The following DGLUCY variants were observed in gnomAD, a reference collection of about 807,000 sequenced individuals.
DGLUCY encodes D-glutamate cyclase, mitochondrial.
DGLUCY carries 58 observed loss-of-function variants against 58.5 expected under a neutral mutation model. That is an observed-to-expected ratio of 0.99 (90% confidence interval 0.80 to 1.23). The LOEUF (loss-of-function observed/expected upper bound fraction) is 1.23. Among genes scored for constraint, DGLUCY ranks in the 50% most tolerant of loss-of-function variants. DGLUCY has a pLI of 0.00. For synonymous variants in DGLUCY, 325 were observed against 314.1 expected (o/e 1.03, Z -0.37); for missense variants, 779 against 784.7 (o/e 0.99, Z 0.09).
intron 1 of DGLUCY, among the ~76,000 whole-genome samples, chr14:91,061,682 A>G (rs1016395338): frequency 4.6e-5 from 7 of 152,248 alleles, no homozygotes; most frequent in African/African-American, 1.7e-4. Context: ...GCATTGGCCT[A>G]CAGCAGAGAA....
rs193153612 is a variant in DGLUCY at position 91,066,235 on chromosome 14, G to A, written c.-82+5531G>A. Among the ~76,000 whole-genome samples, 33 of 151,952 alleles carry A rather than the reference G, an allele frequency of 2.2e-4. 1 individual carries two copies. In the Middle Eastern group the frequency reaches 0.014, roughly 63 times the overall value. ...TCTACTAAAAATAGAAAAATTAGCC[G>A]GGCCTGGTGGCACATGCCTGTAATC... On this transcript the variant is annotated intron_variant, in intron 1 of 4. Coordinates refer to the DGLUCY transcript ENST00000521334.
chr14:91,173,674 G>C, intron 6 of DGLUCY: 1 of 492,088 alleles, frequency 2.0e-6, no homozygotes, highest in Non-Finnish European at 3.5e-6. Context: ...GGGTCTCCAG[G>C]GGCAAAGGCC....
intron 1 of DGLUCY, among the ~76,000 whole-genome samples, chr14:91,094,425 A>G (rs1201938235): frequency 6.7e-6 from 1 of 148,992 alleles, no homozygotes; most frequent in Non-Finnish European, 1.5e-5. Context: ...ACCGAGCGAG[A>G]CTCTGTCCCC....
chr14:91,077,596 A>AG (rs2044046527), intron 1 of DGLUCY, among the ~76,000 whole-genome samples: 1 of 147,822 alleles, frequency 6.8e-6, no homozygotes, highest in Admixed American at 6.6e-5. Flanking sequence ...TATTAAAAAT[A>AG]CAAAAATTAG....
At chr14:91,206,759 G>A (rs1884773651) in intron 12 of DGLUCY, among the ~76,000 whole-genome samples, 1 of 152,052 alleles carries the variant, frequency 6.6e-6, no homozygotes, top group Admixed American at 6.5e-5. Context: ...ACACCGATAA[G>A]CAAAAACACA....
At chr14:91,068,071 ACGCGCACG>A (rs1428890158) in intron 1 of DGLUCY, among the ~76,000 whole-genome samples, 1 of 54,576 alleles carries the variant, frequency 1.8e-5, no homozygotes, top group Non-Finnish European at 3.5e-5. Context: ...ACACACACAC[ACGCGCACG>A]CACACACACA....
chr14:91,164,774 G>C (rs575204560), intron 3 of DGLUCY, among the ~76,000 whole-genome samples: 1 of 152,224 alleles, frequency 6.6e-6, no homozygotes, highest in South Asian at 2.1e-4. Flanking sequence ...CACTGTGACT[G>C]TGCTGGGCCA....
upstream of DGLUCY, among the ~76,000 whole-genome samples, chr14:91,111,579 C>T (rs2044702170): frequency 6.6e-6 from 1 of 152,074 alleles, no homozygotes; most frequent in Admixed American, 6.6e-5. Context: ...CTGTGCCCAG[C>T]CTTTATTTAT....
At position 91,225,522 on chromosome 14, in the gene DGLUCY, A is replaced by G. The variant is rs1888049817; in HGVS notation, c.*689A>G. On this transcript the variant is annotated 3_prime_UTR_variant, in exon 14 of 14. Coordinates refer to ENST00000256324, the MANE Select transcript of DGLUCY (RefSeq NM_001102368.3). ...ACTGTCATGGTATTGCAGTGCTTAT[A>G]TTCAAGAACCTCTTATGTGACTCAG... is the stretch of plus-strand genomic sequence containing the variant. The G allele has an allele frequency of 6.6e-6, 1 of 152,234 alleles. No homozygotes were observed. The highest frequency in any genetic ancestry group is 1.5e-5 in the Non-Finnish European group (1 of 68,058). 9.4% of individuals were successfully genotyped at this position (152,234 alleles called of 1,614,324 possible).
At chr14:91,149,839 G>T (rs1414484904) in intron 1 of DGLUCY, among the ~76,000 whole-genome samples, 1 of 152,140 alleles carries the variant, frequency 6.6e-6, no homozygotes, top group East Asian at 1.9e-4. Context: ...GAAGAATGAG[G>T]TTCTCAAATA....
chr14:91,218,695 A>G (rs1285864), intron 13 of DGLUCY, among the ~76,000 whole-genome samples: 145,731 of 152,070 alleles, frequency 0.96, 69,927 homozygotes, highest in Middle Eastern at 0.99. Context: ...GAGCCACCAC[A>G]CCTGGCCTAA....
chr14:91,089,297 G>A (rs2044271453), intron 1 of DGLUCY, among the ~76,000 whole-genome samples: 1 of 152,124 alleles, frequency 6.6e-6, no homozygotes, highest in Non-Finnish European at 1.5e-5. Flanking sequence ...GGAAGAAAAG[G>A]GTGACTGTGC....
At chr14:91,187,103 G>T (rs189407116) in intron 8 of DGLUCY, among the ~76,000 whole-genome samples, 1 of 151,900 alleles carries the variant, frequency 6.6e-6, no homozygotes, top group African/African-American at 2.4e-5. Flanking sequence ...GAGTTGAAGC[G>T]ATTCTCCTGC....
intron 1 of DGLUCY, among the ~76,000 whole-genome samples, chr14:91,115,786 C>T (rs1345753091): frequency 6.6e-6 from 1 of 152,196 alleles, no homozygotes; most frequent in Admixed American, 6.5e-5. Context: ...TGGCCCCTGA[C>T]ATGTTTTATT....
At chr14:91,221,336 G>A (rs1887460190) in intron 13 of DGLUCY, among the ~76,000 whole-genome samples, 2 of 152,224 alleles carry the variant, frequency 1.3e-5, no homozygotes. Flanking sequence ...CCCAGGGAAG[G>A]CACTCAGGAA....
At chr14:91,128,256 T>C (rs2045830839) in intron 1 of DGLUCY, among the ~76,000 whole-genome samples, 2 of 147,806 alleles carry the variant, frequency 1.4e-5, no homozygotes, top group Non-Finnish European at 3.0e-5. Flanking sequence ...GTGGACTGCT[T>C]GAGCCGAGGA....
chr14:91,143,135 G>T (rs1263876183), intron 1 of DGLUCY, among the ~76,000 whole-genome samples: 1 of 150,040 alleles, frequency 6.7e-6, no homozygotes, highest in Non-Finnish European at 1.5e-5. Flanking sequence ...TTGCTCTGTC[G>T]CCCAGGCTGG....
chr14:91,103,115 G>A (rs2140086547), upstream of DGLUCY, among the ~76,000 whole-genome samples: 1 of 152,094 alleles, frequency 6.6e-6, no homozygotes, highest in Non-Finnish European at 1.5e-5. Context: ...TTTCTCTCAG[G>A]CCCAAGGGAG....
At chr14:91,074,470 G>T (rs117305796) in intron 1 of DGLUCY, among the ~76,000 whole-genome samples, 3,167 of 151,780 alleles carry the variant, frequency 0.021, 37 homozygotes, top group South Asian at 0.033. Flanking sequence ...GACAGAGTGA[G>T]AACCTGACTC....
Sources: gnomAD v4.1 joint callset for allele counts (sites outside exome capture counted in the v4.1 genomes callset) on GRCh38, gnomAD v4.1.1 for gene constraint, MANE v1.5 for transcripts, NCBI Gene and HGNC (gene_info 2026-07-23, HGNC 2026-07-21) for gene names.